Variants in OCLN observed in about 807,000 individuals in gnomAD.
OCLN encodes phosphatase 1, regulatory subunit 115.
A neutral mutation model predicts 47.9 loss-of-function variants in OCLN; 21 were observed. The observed-to-expected ratio is 0.44, with a 90% CI of 0.31 to 0.63. The LOEUF is 0.63. OCLN is among the 30% of genes least tolerant of loss of function. The pLI is 0.08. For synonymous variants in OCLN, 117 were observed against 198.4 expected, an observed-to-expected ratio of 0.59 and a Z score of 3.45; for missense variants, 360 against 571.0, an observed-to-expected ratio of 0.63 and a Z score of 3.77.
At chr5:69,512,602 G>C (rs1349280150) in intron 3 of OCLN, among the ~76,000 whole-genome samples, 4 of 152,222 alleles carry the variant, frequency 2.6e-5, no homozygotes, top group African/African-American at 4.8e-5. Flanking sequence ...CTAGGATTTT[G>C]AAGGGTTATA....
intron 4 of OCLN, among the ~76,000 whole-genome samples, chr5:69,525,332 C>T (rs902623624): frequency 2.6e-5 from 4 of 151,950 alleles, no homozygotes; most frequent in Admixed American, 2.6e-4. Flanking sequence ...TCTCGATCTC[C>T]TGACCTCATG....
chr5:69,502,188 AC>A (rs944425720), intron 1 of OCLN, among the ~76,000 whole-genome samples: 16 of 150,952 alleles, frequency 1.1e-4, no homozygotes, highest in Admixed American at 9.3e-4. Context: ...ACAGAGCGAG[AC>A]TCGGCTCAAA....
intron 4 of OCLN, among the ~76,000 whole-genome samples, chr5:69,523,094 A>C (rs1020766102): frequency 6.6e-6 from 1 of 151,902 alleles, no homozygotes; most frequent in Non-Finnish European, 1.5e-5. Context: ...TAATGGACCA[A>C]TATTGATATT....
intron 4 of OCLN, among the ~76,000 whole-genome samples, chr5:69,528,258 T>A (rs1769336556): frequency 6.6e-6 from 1 of 152,088 alleles, no homozygotes; most frequent in Admixed American, 6.6e-5. Context: ...GAGGGTGGAA[T>A]GGGCAGGTTG....
intron 1 of OCLN, among the ~76,000 whole-genome samples, chr5:69,496,378 G>A (rs1029176919): frequency 6.6e-6 from 1 of 152,000 alleles, no homozygotes; most frequent in South Asian, 2.1e-4. Context: ...GATTACAGGC[G>A]TGAGCCACCG....
chr5:69,525,127 CAG>C (rs1233515009), intron 4 of OCLN, among the ~76,000 whole-genome samples: 1 of 149,870 alleles, frequency 6.7e-6, no homozygotes, highest in African/African-American at 2.5e-5. Flanking sequence ...TTTTTTGAGA[CAG>C]GGTCTCGCTC....
intron 4 of OCLN, among the ~76,000 whole-genome samples, chr5:69,526,447 C>T (rs2112036215): frequency 1.3e-5 from 2 of 152,244 alleles, no homozygotes; most frequent in African/African-American, 4.8e-5. Flanking sequence ...GCATGAGGTA[C>T]AGGTATATTT....
chr5:69,524,108 C>T (rs28552895), intron 4 of OCLN, among the ~76,000 whole-genome samples: 93,271 of 152,080 alleles, frequency 0.61, 31,487 homozygotes, highest in South Asian at 0.76. Context: ...AGATGTGCCA[C>T]TGCACTTCAG....
chr5:69,523,276 C>A (rs1016751275), intron 4 of OCLN, among the ~76,000 whole-genome samples: 13 of 152,088 alleles, frequency 8.5e-5, no homozygotes, highest in South Asian at 2.1e-4. Flanking sequence ...TTTGATTATT[C>A]TTCCTTTTTT....
At chr5:69,515,682 CG>C (rs1768937639) in intron 4 of OCLN, among the ~76,000 whole-genome samples, 1 of 149,520 alleles carries the variant, frequency 6.7e-6, no homozygotes, top group Non-Finnish European at 1.5e-5. Flanking sequence ...CGGGCAGAGA[CG>C]CTCCTCACTT....
Position 69,517,259 on chromosome 5 carries a change from C to T in OCLN, c.891+3150C>T, listed in dbSNP as rs566458187. ...GGAGTGGGGTGGCTAAAGATGGATG[C>T]TGGCTGCTGCTAGTCAGGTCTGGGG... On this transcript the variant is annotated intron_variant, in intron 4 of 8. Transcript: ENST00000396442. 1.5e-4 allele frequency among the ~76,000 whole-genome samples: 22 copies of T among 151,100 alleles called. No individual in the cohort carries two copies. The South Asian group carries it at 2.7e-3, about 19-fold the overall frequency.
chr5:69,515,270 C>T (rs1225533819), intron 4 of OCLN, among the ~76,000 whole-genome samples: 19 of 131,812 alleles, frequency 1.4e-4, no homozygotes, highest in South Asian at 7.6e-4. Context: ...GGCGGCTGGC[C>T]GGGCGGGGGG....
rs572338836 is a variant in OCLN, at chr5:69,520,217, C to T, written c.891+6108C>T. The stretch of plus-strand genomic sequence containing the variant: ...CAGGTGATCTGCCTGCCTCGGCCTC[C>T]CAAAGTGCTAGGATTATAGGCGTCA... On this transcript the variant is annotated intron_variant, in intron 4 of 8. Transcript: ENST00000396442. 5.3e-5 allele frequency among the ~76,000 whole-genome samples: 8 copies of T among 151,828 alleles called. No homozygotes were observed. The South Asian group carries it at 1.5e-3, about 28-fold the overall frequency.
At chr5:69,500,265 A>AT (rs1310747963) in intron 1 of OCLN, among the ~76,000 whole-genome samples, 1 of 152,144 alleles carries the variant, frequency 6.6e-6, no homozygotes, top group Non-Finnish European at 1.5e-5. Context: ...TGTGCTCAAG[A>AT]TTTTCAGGAT....
intron 4 of OCLN, among the ~76,000 whole-genome samples, chr5:69,520,965 A>G (rs1462155521): frequency 6.6e-6 from 1 of 152,062 alleles, no homozygotes; most frequent in Non-Finnish European, 1.5e-5. Context: ...CTCCTGCCTC[A>G]GCCTCCTGAG....
intron 4 of OCLN, 95 bp downstream of exon 4, chr5:69,514,204 T>C (rs1300172935): frequency 8.3e-6 from 9 of 1,089,812 alleles, no homozygotes; most frequent in East Asian, 2.5e-5. Flanking sequence ...TTAGAATTAA[T>C]GTTTGTATAT....
At chr5:69,517,094 G>C (rs115682688) in intron 4 of OCLN, among the ~76,000 whole-genome samples, 29 of 152,066 alleles carry the variant, frequency 1.9e-4, no homozygotes, top group African/African-American at 7.0e-4. Context: ...TGTTTGGAGT[G>C]AAACTTTTTC....
intron 1 of OCLN, among the ~76,000 whole-genome samples, chr5:69,500,368 G>A (rs1768421655): frequency 6.6e-6 from 1 of 151,512 alleles, no homozygotes; most frequent in Non-Finnish European, 1.5e-5. Flanking sequence ...AATGAAGTTG[G>A]TGTGGCATGA....
chr5:69,526,243 G>A (rs965815239), intron 4 of OCLN, among the ~76,000 whole-genome samples: 7 of 152,116 alleles, frequency 4.6e-5, no homozygotes, highest in East Asian at 1.9e-4. Context: ...ACCATATTTC[G>A]AGAACCACTA....
Sources: allele counts gnomAD v4.1 joint callset (sites outside exome capture counted in the v4.1 genomes callset), GRCh38; gene constraint gnomAD v4.1.1; transcripts MANE v1.5; gene names NCBI Gene and HGNC (gene_info 2026-07-23, HGNC 2026-07-21).